Variants in ABCA10 observed in about 807,000 individuals in gnomAD.
ABCA10 encodes ATP-binding cassette sub-family A member 10.
ABCA10 carries 169 observed loss-of-function variants against 187.5 expected under a neutral mutation model. The observed-to-expected ratio is 0.90, with a 90% CI of 0.80 to 1.02. The LOEUF is 1.02. Among genes scored for constraint, ABCA10 ranks in the 50% least tolerant of loss-of-function variants. The probability of loss-of-function intolerance (pLI) is 0.00; values close to 1 mark genes in which losing one functional copy is unlikely to be tolerated. For missense variants in ABCA10, 1,727 were observed against 1,812.4 expected, an observed-to-expected ratio of 0.95 and a Z score of 0.86; for synonymous variants, 574 against 601.8, an observed-to-expected ratio of 0.95 and a Z score of 0.68.
chr17:69,209,781 G>A (rs188574796), intron 9 of ABCA10, among the ~76,000 whole-genome samples: 1 of 152,228 alleles, frequency 6.6e-6, no homozygotes, highest in Non-Finnish European at 1.5e-5. Flanking sequence ...ACGCACCTAG[G>A]CTATGTGGTA....
At chr17:69,179,003 T>C (rs916468636) in intron 22 of ABCA10, 1 of 152,102 alleles carries the variant, frequency 6.6e-6, no homozygotes, top group African/African-American at 2.4e-5. Flanking sequence ...TCTAGATTTA[T>C]ATACATTGCA....
chr17:69,153,453 C>T lies in ABCA10; in HGVS notation c.4041+18G>A, dbSNP rs2074146405. On this transcript the variant is annotated intron_variant, in intron 33 of 38. Coordinates refer to ENST00000690296, the MANE Select transcript of ABCA10 (RefSeq NM_001377321.1). ...CCCAGCCATGGGTGCACAGGGAAACCCCGAGCCTGGCCCATACCTTTCTCT... is the reference window on the plus strand; with the variant it reads ...CCCAGCCATGGGTGCACAGGGAAACTCCGAGCCTGGCCCATACCTTTCTCT... 6.2e-7 allele frequency: 1 copy of T among 1,614,036 alleles called. No individual in the cohort carries two copies. Among genetic ancestry groups the T allele is most frequent in the South Asian group, 1.1e-5 (1 of 91,068 alleles).
Position 69,165,024 on chromosome 17 carries a change from A to C in ABCA10, c.3222T>G (p.Ile1074Met), listed in dbSNP as rs1273916238. The C allele has an allele frequency of 6.2e-7, 1 of 1,611,130 alleles. No individual in the cohort carries two copies. The highest frequency in any genetic ancestry group is 8.5e-7 in the Non-Finnish European group (1 of 1,177,460). ...VSTQYEKLNLILCMIFIPSFT... is the reference protein window; with the variant it reads ...VSTQYEKLNLMLCMIFIPSFT... ...AGGAAGGTATGAAAATCATGCACAA[A>C]ATTAAGTTGAGTTTTTCATATTGAG... The change falls in exon 26 of 39, where the codon ATT (isoleucine) becomes ATG (methionine). Residue 1074 changes from isoleucine (I) to methionine (M), a missense_variant. Transcript: ENST00000690296.
chr17:69,165,353 C>A (rs1451023488), intron 25 of ABCA10, among the ~76,000 whole-genome samples: 1 of 152,136 alleles, frequency 6.6e-6, no homozygotes, highest in African/African-American at 2.4e-5. Context: ...GGTGATGTAA[C>A]ATTATTTATT....
chr17:69,209,226 C>G (rs1012689205), intron 9 of ABCA10, among the ~76,000 whole-genome samples: 5 of 152,142 alleles, frequency 3.3e-5, no homozygotes, highest in Admixed American at 6.5e-5. Context: ...TCACTGTGAT[C>G]TGTAACAAGT....
At chr17:69,221,684 C>G in intron 5 of ABCA10, 108 bp downstream of exon 5, 1 of 974,814 alleles carries the variant, frequency 1.0e-6, no homozygotes, top group Non-Finnish European at 1.5e-6. Context: ...GGATGACAGG[C>G]AAAGTATCAC....
At chr17:69,219,857 T>A in intron 5 of ABCA10, 86 bp from the exon 6 acceptor site, 1 of 929,592 alleles carries the variant, frequency 1.1e-6, no homozygotes, top group Admixed American at 2.8e-5. Context: ...TCGATTTCAA[T>A]ATTTACATAT....
rs769757146 is a variant in ABCA10, at chr17:69,174,347, A to G, written c.3096T>C (p.Tyr1032=). Residue 1032 remains tyrosine, a synonymous_variant, in exon 25 of 39, where the codon TAT becomes TAC. Transcript: ENST00000690296. ...ACTTGCGAAAGATGAATGAAAGCAC[A>G]TATGTGAGGAATATAAGAGAAACTG... The part of the protein sequence containing the change: ...GCAVSLIFLT[Y]VLSFIFRKWR... The G allele has an allele frequency of 1.1e-5, 17 of 1,604,684 alleles. No individual in the cohort carries two copies. In the East Asian group the frequency reaches 1.3e-4, roughly 13 times the overall value.
intron 9 of ABCA10, among the ~76,000 whole-genome samples, chr17:69,206,866 T>C (rs1255781826): frequency 6.6e-6 from 1 of 152,084 alleles, no homozygotes; most frequent in Admixed American, 6.6e-5. Context: ...TGGGCAATGA[T>C]TTTTTTGGAT....
intron 27 of ABCA10, 53 bp from the exon 28 acceptor site, chr17:69,156,976 A>C (rs1234537373): frequency 3.8e-6 from 4 of 1,048,878 alleles, no homozygotes; most frequent in South Asian, 1.8e-5. Flanking sequence ...ATTCACACTC[A>C]ATGGTGAATA....
chr17:69,150,085 T>C, intron 36 of ABCA10, 22 bp from the exon 37 acceptor site: 4 of 1,548,796 alleles, frequency 2.6e-6, no homozygotes, highest in Non-Finnish European at 3.6e-6. Context: ...AAGAGTGAGA[T>C]TTATTACTAA....
intron 9 of ABCA10, among the ~76,000 whole-genome samples, chr17:69,201,891 C>G (rs1254866253): frequency 3.3e-5 from 5 of 152,146 alleles, no homozygotes; most frequent in African/African-American, 1.2e-4. Context: ...TTCAAGCGAT[C>G]TCTCCTGCCT....
At chr17:69,159,652 A>G (rs1462207843) in intron 27 of ABCA10, among the ~76,000 whole-genome samples, 1 of 152,152 alleles carries the variant, frequency 6.6e-6, no homozygotes, top group Non-Finnish European at 1.5e-5. Context: ...ACTGAAAGAA[A>G]AAAAGTATCC....
At chr17:69,174,916 T>C (rs2074323836) in intron 23 of ABCA10, 139 bp from the exon 24 acceptor site, 2 of 675,356 alleles carry the variant, frequency 3.0e-6, no homozygotes, top group Non-Finnish European at 4.4e-6. Flanking sequence ...CCTAAAAATC[T>C]AGCATCTCCA....
intron 9 of ABCA10, among the ~76,000 whole-genome samples, chr17:69,209,094 T>C (rs751389607): frequency 5.0e-4 from 76 of 152,278 alleles, no homozygotes; most frequent in Admixed American, 9.2e-4. Context: ...TCTTGCCATA[T>C]GTATAAGTGA....
At chr17:69,201,280 A>T (rs1345843127) in intron 10 of ABCA10, among the ~76,000 whole-genome samples, 1 of 152,224 alleles carries the variant, frequency 6.6e-6, no homozygotes, top group Non-Finnish European at 1.5e-5. Context: ...AATATGGAAG[A>T]CAGAAGATGA....
chr17:69,149,713 G>A (rs1187709120), intron 37 of ABCA10, among the ~76,000 whole-genome samples: 1 of 152,072 alleles, frequency 6.6e-6, no homozygotes, highest in Non-Finnish European at 1.5e-5. Context: ...GTAAGAAACA[G>A]CCCTGGTACC....
intron 20 of ABCA10, among the ~76,000 whole-genome samples, chr17:69,184,563 G>A (rs1278420255): frequency 1.3e-5 from 2 of 152,160 alleles, no homozygotes; most frequent in East Asian, 3.9e-4. Flanking sequence ...ATAGATGTTG[G>A]CATGGATGTG....
Position 69,215,805 on chromosome 17 carries a change from A to G in ABCA10, c.858+10T>C, listed in dbSNP as rs1369382949. ...CTAATAATAAAATCTTGAAATAATTATGTTCTTACCTGGGCCATTCCAGCA... is the reference window on the plus strand; with the variant it reads ...CTAATAATAAAATCTTGAAATAATTGTGTTCTTACCTGGGCCATTCCAGCA... On this transcript the variant is annotated intron_variant, in intron 8 of 38. Coordinates refer to ENST00000690296, the MANE Select transcript of ABCA10 (RefSeq NM_001377321.1). The G allele has an allele frequency of 6.7e-7, 1 of 1,482,500 alleles. No homozygotes were observed. Among genetic ancestry groups the G allele is most frequent in the South Asian group, 1.5e-5 (1 of 67,322 alleles). 91.8% of individuals were successfully genotyped at this position (1,482,500 alleles called of 1,614,324 possible).
Sources: allele counts gnomAD v4.1 joint callset (sites outside exome capture counted in the v4.1 genomes callset), GRCh38; gene constraint gnomAD v4.1.1; transcripts MANE v1.5; gene names NCBI Gene and HGNC (gene_info 2026-07-23, HGNC 2026-07-21).